Variants in PKHD1 observed in about 807,000 individuals in gnomAD.
PKHD1 encodes fibrocystin.
Under a neutral mutation model 412.0 loss-of-function variants are expected in PKHD1, and 291 were observed. That is an observed-to-expected ratio of 0.71 (90% CI 0.64 to 0.78). The LOEUF is 0.78. PKHD1 is among the 30% of genes least tolerant of loss of function. The probability of loss-of-function intolerance (pLI) is 0.00; values close to 1 mark genes in which losing one functional copy is unlikely to be tolerated. For missense variants in PKHD1, 4,825 were observed against 4,950.7 expected, an observed-to-expected ratio of 0.97 and a Z score of 0.76; for synonymous variants, 1,777 against 1,821.5, an observed-to-expected ratio of 0.98 and a Z score of 0.62.
intron 60 of PKHD1, among the ~76,000 whole-genome samples, chr6:51,743,415 G>C (rs1784806195): frequency 6.6e-6 from 1 of 152,174 alleles, no homozygotes; most frequent in Non-Finnish European, 1.5e-5. Context: ...GCAAGAAGCA[G>C]GTTGTAGATT....
In PKHD1 at chr6:51,728,993, G is replaced by A. The variant is rs558149468; in HGVS notation, c.10156+15392C>T. ...ATTATAAAGCTCTAAGATTTCCTTT[G>A]TCTGTAACGTGTTCAAACAGAAAGA... On this transcript the variant is annotated intron_variant, in intron 60 of 66. Coordinates refer to ENST00000371117, the MANE Select transcript of PKHD1 (RefSeq NM_138694.4). Among the ~76,000 whole-genome samples the A allele has an allele frequency of 1.1e-3, 167 of 152,300 alleles. 1 individual carries two copies. In the South Asian group the frequency reaches 0.016, roughly 15 times the overall value.
At chr6:52,050,873 T>G (rs1342377201) in intron 21 of PKHD1, among the ~76,000 whole-genome samples, 2 of 152,222 alleles carry the variant, frequency 1.3e-5, no homozygotes, top group African/African-American at 2.4e-5. Context: ...AGTTTTCTTA[T>G]GTGTAAAGCG....
intron 48 of PKHD1, among the ~76,000 whole-genome samples, chr6:51,862,655 T>C (rs1774378456): frequency 1.3e-5 from 2 of 152,282 alleles, no homozygotes; most frequent in Non-Finnish European, 2.9e-5. Flanking sequence ...AGTGGTTACA[T>C]AGGTAAAAAC....
At chr6:51,782,895 C>A (rs1044379628) in intron 53 of PKHD1, among the ~76,000 whole-genome samples, 1 of 152,076 alleles carries the variant, frequency 6.6e-6, no homozygotes. Context: ...ATCCAATGAG[C>A]CTTACAGAAC....
intron 36 of PKHD1, among the ~76,000 whole-genome samples, chr6:51,947,201 C>G (rs1789589339): frequency 6.6e-6 from 1 of 152,176 alleles, no homozygotes; most frequent in Non-Finnish European, 1.5e-5. Context: ...CCCGAGTGAC[C>G]AGCAGCATTT....
intron 49 of PKHD1, among the ~76,000 whole-genome samples, chr6:51,852,258 C>G (rs774056539): frequency 6.6e-6 from 1 of 152,216 alleles, no homozygotes; most frequent in East Asian, 1.9e-4. Flanking sequence ...GTACTGTGGT[C>G]TGAGAGACTG....
chr6:51,788,991 C>T (rs1793320216), intron 53 of PKHD1, among the ~76,000 whole-genome samples: 1 of 152,108 alleles, frequency 6.6e-6, no homozygotes, highest in South Asian at 2.1e-4. Flanking sequence ...ATTTGGACCC[C>T]CAACATCTGA....
chr6:51,943,461 A>C (rs1210545734), intron 36 of PKHD1, among the ~76,000 whole-genome samples: 1 of 151,068 alleles, frequency 6.6e-6, no homozygotes, highest in Non-Finnish European at 1.5e-5. Context: ...ACCGTTCTCA[A>C]CTACTCATAA....
At position 52,048,621 on chromosome 6, in the gene PKHD1, T is replaced by C. The variant is rs780675990; in HGVS notation, c.2280-2A>G. 20 of 1,614,094 alleles carry C rather than the reference T, an allele frequency of 1.2e-5. No homozygotes were observed. Among genetic ancestry groups the C allele is most frequent in the Non-Finnish European group, 1.7e-5 (20 of 1,179,978 alleles). On this transcript the variant is annotated splice_acceptor_variant, in intron 22 of 66. Transcript: ENST00000371117. LOFTEE classifies it high-confidence loss of function. The stretch of plus-strand genomic sequence containing the variant: ...TCTGTTCCTTCAGTGGGCACAGAGC[T>C]GTGGCACGTCAGAAACAAAGTATTA...
intron 52 of PKHD1, among the ~76,000 whole-genome samples, chr6:51,830,111 A>T (rs1318689171): frequency 6.6e-6 from 1 of 152,094 alleles, no homozygotes; most frequent in East Asian, 1.9e-4. Context: ...TCCATTATGG[A>T]TCTTCTTTTA....
chr6:51,922,962 TC>T (rs1212803219), intron 37 of PKHD1, among the ~76,000 whole-genome samples: 1 of 152,076 alleles, frequency 6.6e-6, no homozygotes, highest in African/African-American at 2.4e-5. Flanking sequence ...GTCCAACAAG[TC>T]CCATTGAGAT....
intron 61 of PKHD1, 70 bp downstream of exon 61, chr6:51,658,882 T>C: frequency 1.0e-6 from 1 of 963,708 alleles, no homozygotes; most frequent in Non-Finnish European, 1.7e-6. Context: ...TAGATTGACA[T>C]TTGCAACATA....
intron 43 of PKHD1, 40 bp from the exon 44 acceptor site, chr6:51,887,285 G>A (rs1244516659): frequency 8.2e-7 from 1 of 1,225,048 alleles, no homozygotes; most frequent in Non-Finnish European, 1.2e-6. Flanking sequence ...GTTACCCCAT[G>A]TATGATAAGG....
intron 60 of PKHD1, among the ~76,000 whole-genome samples, chr6:51,679,671 T>C (rs556441264): frequency 6.6e-6 from 1 of 152,112 alleles, no homozygotes; most frequent in African/African-American, 2.4e-5. Flanking sequence ...AAGCAGGATG[T>C]TTCGGGAGGA....
chr6:51,785,149 G>A (rs1268504248), intron 53 of PKHD1, among the ~76,000 whole-genome samples: 1 of 152,140 alleles, frequency 6.6e-6, no homozygotes, highest in Non-Finnish European at 1.5e-5. Flanking sequence ...CAATGAAAGA[G>A]GGAGGTGGGA....
chr6:51,735,704 T>C (rs943933519), intron 60 of PKHD1, among the ~76,000 whole-genome samples: 10 of 152,016 alleles, frequency 6.6e-5, no homozygotes, highest in African/African-American at 2.4e-4. Context: ...GGTAAGAGGA[T>C]CGCTTGAGAC....
At chr6:51,703,300 A>G (rs572053045) in intron 60 of PKHD1, among the ~76,000 whole-genome samples, 2 of 152,080 alleles carry the variant, frequency 1.3e-5, no homozygotes, top group South Asian at 4.1e-4. Context: ...TAATAGCTTT[A>G]TAGTGGTGGG....
intron 12 of PKHD1, 124 bp from the exon 13 acceptor site, chr6:52,065,174 G>GAGAGAA (rs1809451975): frequency 7.3e-6 from 1 of 137,562 alleles, no homozygotes; most frequent in Non-Finnish European, 1.4e-5. Flanking sequence ...TATATAGAGA[G>GAGAGAA]AGAGAGAGAG....
intron 59 of PKHD1, among the ~76,000 whole-genome samples, chr6:51,745,989 G>T (rs1785141292): frequency 6.7e-6 from 1 of 148,262 alleles, no homozygotes; most frequent in Non-Finnish European, 1.5e-5. Flanking sequence ...GGCTTCTTTA[G>T]TTTTTTGCTT....
Sources: allele counts gnomAD v4.1 joint callset (sites outside exome capture counted in the v4.1 genomes callset), GRCh38; gene constraint gnomAD v4.1.1; transcripts MANE v1.5; gene names NCBI Gene and HGNC (gene_info 2026-07-23, HGNC 2026-07-21).